Variants in ADGRV1 observed in about 807,000 individuals in gnomAD.
ADGRV1 encodes adhesion G protein-coupled receptor V1.
In ADGRV1, 359 loss-of-function variants were observed where a neutral mutation model predicts 596.2. The observed-to-expected ratio is 0.60, with a 90% CI of 0.55 to 0.66. The LOEUF is 0.66. ADGRV1 is among the 30% of genes least tolerant of loss of function. ADGRV1 has a pLI of 0.00. For missense variants in ADGRV1, 7,274 were observed against 7,575.6 expected (o/e 0.96, Z 1.48); for synonymous variants, 2,681 against 2,679.2 (o/e 1.00, Z -0.02).
At chr5:91,065,465 A>G (rs912809887) in intron 85 of ADGRV1, among the ~76,000 whole-genome samples, 1 of 152,212 alleles carries the variant, frequency 6.6e-6, no homozygotes, top group African/African-American at 2.4e-5. Flanking sequence ...CCAGTTTGCC[A>G]GGGTCAACTT....
At chr5:90,651,547 A>ATTTTTT in intron 17 of ADGRV1, 57 bp from the exon 18 acceptor site, 1 of 1,344,660 alleles carries the variant, frequency 7.4e-7, no homozygotes, top group Non-Finnish European at 1.0e-6. Flanking sequence ...AAAAGTATAA[A>ATTTTTT]TTTTACAGCA....
intron 21 of ADGRV1, among the ~76,000 whole-genome samples, chr5:90,660,609 C>A (rs549628209): frequency 6.6e-6 from 1 of 152,252 alleles, no homozygotes; most frequent in African/African-American, 2.4e-5. Context: ...GTGGCTCACG[C>A]CTGTAATTCC....
intron 73 of ADGRV1, 130 bp from the exon 74 acceptor site, chr5:90,810,103 T>C: frequency 1.4e-6 from 1 of 727,560 alleles, no homozygotes. Flanking sequence ...TGATGGAATT[T>C]GAAATGGCAC....
intron 84 of ADGRV1, among the ~76,000 whole-genome samples, chr5:90,975,774 G>C (rs2151011551): frequency 6.6e-6 from 1 of 152,074 alleles, no homozygotes; most frequent in Non-Finnish European, 1.5e-5. Context: ...AATGGGTGCA[G>C]CACACCAAGA....
chr5:90,958,360 G>A (rs1162354869), intron 83 of ADGRV1, among the ~76,000 whole-genome samples: 8 of 151,306 alleles, frequency 5.3e-5, no homozygotes, highest in Non-Finnish European at 1.2e-4. Context: ...TTTCAATAGG[G>A]AAATATAATT....
At chr5:91,001,276 C>T (rs561202373) in intron 85 of ADGRV1, among the ~76,000 whole-genome samples, 288 of 152,148 alleles carry the variant, frequency 1.9e-3, no homozygotes, top group African/African-American at 6.1e-3. Flanking sequence ...CCAGGTCTCA[C>T]TATGTTACCC....
In ADGRV1 at chr5:90,706,397, A is replaced by G. The variant is rs778305157; in HGVS notation, c.8730+3A>G. The G allele has an allele frequency of 2.0e-6, 3 of 1,506,506 alleles. No individual in the cohort carries two copies. Among genetic ancestry groups the G allele is most frequent in the South Asian group, 1.3e-5 (1 of 79,026 alleles). 93.3% of individuals were successfully genotyped at this position (1,506,506 alleles called of 1,614,324 possible). On this transcript the variant is annotated splice_donor_region_variant and intron_variant, in intron 38 of 89. Transcript: ENST00000405460. ...CCATCAACATTACCATTCTTGAGGT[A>G]AAACTCTTTTTTTTTTTTAATCTTA...
At chr5:90,702,998 A>G (rs1230547627) in intron 34 of ADGRV1, among the ~76,000 whole-genome samples, 1 of 151,990 alleles carries the variant, frequency 6.6e-6, no homozygotes, top group East Asian at 1.9e-4. Context: ...TTTGAAAGAC[A>G]TGTTATGATT....
chr5:90,595,515 G>A (rs1760281206), intron 1 of ADGRV1, among the ~76,000 whole-genome samples: 1 of 119,564 alleles, frequency 8.4e-6, no homozygotes, highest in Non-Finnish European at 1.8e-5. Flanking sequence ...GGGCGGCCGG[G>A]CAGAGGCGCC....
chr5:90,771,260 G>A (rs1757665080), intron 59 of ADGRV1, among the ~76,000 whole-genome samples: 1 of 152,098 alleles, frequency 6.6e-6, no homozygotes, highest in South Asian at 2.1e-4. Context: ...CTTGAGATAT[G>A]GGAAGTAGCC....
At chr5:90,905,916 T>C (rs985499286) in intron 83 of ADGRV1, among the ~76,000 whole-genome samples, 1 of 152,060 alleles carries the variant, frequency 6.6e-6, no homozygotes, top group African/African-American at 2.4e-5. Context: ...CTACATCCAG[T>C]TTTTTGAGAG....
At chr5:90,578,595 A>C (rs190745239) in intron 1 of ADGRV1, among the ~76,000 whole-genome samples, 174 of 152,300 alleles carry the variant, frequency 1.1e-3, no homozygotes, top group African/African-American at 3.7e-3. Context: ...TGTCTCTGCC[A>C]GGCTTTGGTA....
In ADGRV1 at chr5:91,099,641, C is replaced by T. The variant is rs1791193303; in HGVS notation, c.18311-2578C>T. Among the ~76,000 whole-genome samples, 3 of 152,102 alleles carry T rather than the reference C, an allele frequency of 2.0e-5. No individual in the cohort carries two copies. The South Asian group carries it at 6.2e-4, about 32-fold the overall frequency. ...TAAGCAATAGCGGGGTGCGGTGGCT[C>T]ACGCCTGTAATCCCAGCATTTCGAG... is the stretch of plus-strand genomic sequence containing the variant. On this transcript the variant is annotated intron_variant, in intron 86 of 89. Transcript: ENST00000405460.
chr5:90,715,519 G>A (rs1364108285), intron 42 of ADGRV1, among the ~76,000 whole-genome samples: 2 of 152,180 alleles, frequency 1.3e-5, no homozygotes, highest in Non-Finnish European at 1.5e-5. Context: ...ACTTTAGAGT[G>A]GGTGAAAGGG....
chr5:90,815,715 T>C lies in ADGRV1; in HGVS notation c.16175T>C (p.Ile5392Thr), dbSNP rs113837859. 97 of 1,559,886 alleles carry C rather than the reference T, an allele frequency of 6.2e-5. No homozygotes were observed. The African/African-American group carries it at 8.7e-4, about 14-fold the overall frequency. The change falls in exon 75 of 90, where the codon ATT becomes ACT. Residue 5392 changes from isoleucine to threonine, a missense_variant. Physicochemically the swap from Ile to Thr is moderately conservative, Grantham distance 89. Coordinates refer to ENST00000405460, the MANE Select transcript of ADGRV1 (RefSeq NM_032119.4). ...GCTGTTATGAGAAGATTGCACCTTATTGTCACAAGACAGCCAAACAGGTAT... is the reference window on the plus strand; with the variant it reads ...GCTGTTATGAGAAGATTGCACCTTACTGTCACAAGACAGCCAAACAGGTAT... ...EGAVMRRLHL[I>T]VTRQPNRAFE...
intron 84 of ADGRV1, among the ~76,000 whole-genome samples, chr5:90,979,244 C>T (rs897227393): frequency 6.6e-6 from 1 of 151,702 alleles, no homozygotes; most frequent in Non-Finnish European, 1.5e-5. Flanking sequence ...TCTCGGCTCA[C>T]TGCAACCTCC....
Position 90,674,227 on chromosome 5 carries a change from T to C in ADGRV1, c.5103T>C (p.His1701=), listed in dbSNP as rs1255453260. ...TTDITIKASD[H]PYGLLQFSTG... is the part of the protein sequence containing the mutation. ...ATATCACCATCAAAGCTAGTGATCA[T>C]CCATATGGTAACCTGCTCCTTTTGC... The change falls in exon 23 of 90, where the codon CAT becomes CAC. Residue 1701 remains histidine (H), a synonymous_variant. Coordinates refer to ENST00000405460, the MANE Select transcript of ADGRV1 (RefSeq NM_032119.4). 6.3e-7 allele frequency: 1 copy of C among 1,595,056 alleles called. No homozygotes were observed. The highest frequency in any genetic ancestry group is 1.2e-5 in the South Asian group (1 of 86,224).
intron 83 of ADGRV1, among the ~76,000 whole-genome samples, chr5:90,903,530 A>G (rs1772042300): frequency 1.3e-5 from 2 of 151,984 alleles, no homozygotes; most frequent in Non-Finnish European, 2.9e-5. Flanking sequence ...TGGACTGCAG[A>G]TTATTTCTCA....
At chr5:91,104,170 T>C (rs1791641761) in intron 87 of ADGRV1, among the ~76,000 whole-genome samples, 1 of 152,126 alleles carries the variant, frequency 6.6e-6, no homozygotes, top group Non-Finnish European at 1.5e-5. Flanking sequence ...GGAGAGGATA[T>C]TGAAAAAAAG....
Sources: allele counts gnomAD v4.1 joint callset (sites outside exome capture counted in the v4.1 genomes callset), GRCh38; gene constraint gnomAD v4.1.1; transcripts MANE v1.5; gene names NCBI Gene and HGNC (gene_info 2026-07-23, HGNC 2026-07-21).